PRKACB: variants seen among roughly 807,000 people sequenced by gnomAD.
The protein encoded by PRKACB is cAMP-dependent protein kinase catalytic subunit beta.
PRKACB carries 16 observed loss-of-function variants against 51.4 expected under a neutral mutation model. The ratio of observed to expected loss-of-function variants is 0.31; its 90% CI spans 0.21 to 0.47. The LOEUF is 0.47. Among genes scored for constraint, PRKACB ranks in the 20% least tolerant of loss-of-function variants. The pLI, the probability that PRKACB is intolerant of heterozygous loss-of-function variation, is 1.00. For synonymous variants in PRKACB, 147 were observed against 154.4 expected (o/e 0.95, Z 0.35); for missense variants, 309 against 464.5 (o/e 0.67, Z 3.08).
chr1:84,100,071 A>T (rs551134568), intron 1 of PRKACB, among the ~76,000 whole-genome samples: 1 of 152,332 alleles, frequency 6.6e-6, no homozygotes, highest in Admixed American at 6.5e-5. Context: ...GGTTTTATTG[A>T]CTCACAGTTC....
chr1:84,164,898 G>T, intron 1 of PRKACB: 5 of 1,477,878 alleles, frequency 3.4e-6, no homozygotes, highest in Non-Finnish European at 4.5e-6. Context: ...GCATGCTCCA[G>T]TGTGTGTGTT....
intron 1 of PRKACB, among the ~76,000 whole-genome samples, chr1:84,091,677 G>A (rs755904595): frequency 1.3e-5 from 2 of 151,848 alleles, no homozygotes; most frequent in Non-Finnish European, 2.9e-5. Context: ...GCTAATTTTC[G>A]TATTTTTGGT....
intron 9 of PRKACB, among the ~76,000 whole-genome samples, chr1:84,219,655 A>G (rs1673406715): frequency 6.6e-6 from 1 of 150,658 alleles, no homozygotes; most frequent in Non-Finnish European, 1.5e-5. Flanking sequence ...ATCTAGTTTC[A>G]GTCTTCTGCA....
At position 84,085,767 on chromosome 1, in the gene PRKACB, G is replaced by A. The variant is rs916208823; in HGVS notation, c.46+7396G>A. The A allele has an allele frequency of 1.2e-5, 4 of 320,088 alleles. No homozygotes were observed. In the East Asian group the frequency reaches 1.8e-4, roughly 14 times the overall value. The allele number at this position is 320,088 out of a possible 1,614,324, so 19.8% of individuals were successfully genotyped here. A position where few individuals can be genotyped will look rare whatever the true frequency, so the allele number is the denominator to read the frequency against. On this transcript the variant is annotated intron_variant, in intron 1 of 8. Transcript: ENST00000370688. Reference sequence around the variant, plus strand: ...TGTCTCAGTGACTTTTCCTGAGGAGGTTCCTGGCCTCAGTCGTCTCCAGGA... The same window carrying A: ...TGTCTCAGTGACTTTTCCTGAGGAGATTCCTGGCCTCAGTCGTCTCCAGGA...
At chr1:84,132,664 A>C (rs1050958359) in intron 1 of PRKACB, among the ~76,000 whole-genome samples, 17 of 152,216 alleles carry the variant, frequency 1.1e-4, no homozygotes, top group Non-Finnish European at 1.5e-5. Flanking sequence ...CAGGAGATAC[A>C]TAAAGCAGAG....
At chr1:84,081,616 TAA>T (rs146458472) in intron 1 of PRKACB, among the ~76,000 whole-genome samples, 25,100 of 152,054 alleles carry the variant, frequency 0.17, 2,574 homozygotes, top group South Asian at 0.25. Flanking sequence ...TCTTGTCAGT[TAA>T]GTTTGTTTTA....
chr1:84,224,671 C>T (rs1003318754), intron 9 of PRKACB, among the ~76,000 whole-genome samples: 38 of 152,184 alleles, frequency 2.5e-4, no homozygotes, highest in African/African-American at 7.9e-4. Context: ...TGCACGTGGG[C>T]ACAGGCTGTG....
intron 9 of PRKACB, among the ~76,000 whole-genome samples, chr1:84,231,215 G>C (rs1351130411): frequency 2.0e-5 from 3 of 152,080 alleles, no homozygotes; most frequent in Non-Finnish European, 4.4e-5. Context: ...TTATATGCTG[G>C]ATTACATTTA....
chr1:84,133,982 T>C (rs1418785881), intron 1 of PRKACB, among the ~76,000 whole-genome samples: 1 of 151,990 alleles, frequency 6.6e-6, no homozygotes, highest in East Asian at 1.9e-4. Flanking sequence ...TGAAGGACAG[T>C]AAGTGTGGGG....
intron 1 of PRKACB, among the ~76,000 whole-genome samples, chr1:84,177,741 TA>T (rs1434101611): frequency 6.6e-6 from 1 of 151,766 alleles, no homozygotes; most frequent in East Asian, 1.9e-4. Context: ...GACCCAGTCT[TA>T]AAAAAAGTAA....
At chr1:84,209,896 T>A (rs1164314160) in intron 8 of PRKACB, among the ~76,000 whole-genome samples, 1 of 152,220 alleles carries the variant, frequency 6.6e-6, no homozygotes, top group Non-Finnish European at 1.5e-5. Flanking sequence ...TCAATATTTG[T>A]TGAATTTCAA....
chr1:84,182,073 T>C (rs1663690052), intron 2 of PRKACB, 127 bp from the exon 3 acceptor site: 2 of 710,508 alleles, frequency 2.8e-6, no homozygotes, highest in East Asian at 3.2e-5. Flanking sequence ...AATAGCTTTT[T>C]TGTATTGCAT....
At chr1:84,209,152 G>A (rs965731956) in intron 8 of PRKACB, among the ~76,000 whole-genome samples, 14 of 152,024 alleles carry the variant, frequency 9.2e-5, no homozygotes, top group Non-Finnish European at 1.9e-4. Flanking sequence ...AATCTCCTTG[G>A]CTTGATCCCC....
chr1:84,163,972 T>C (rs754164557), intron 1 of PRKACB, among the ~76,000 whole-genome samples: 4 of 151,970 alleles, frequency 2.6e-5, no homozygotes, highest in Non-Finnish European at 4.4e-5. Flanking sequence ...ATACAATCTG[T>C]CATCTTAGTC....
intron 1 of PRKACB, among the ~76,000 whole-genome samples, chr1:84,134,298 A>T (rs1041605269): frequency 6.6e-6 from 1 of 152,174 alleles, no homozygotes; most frequent in East Asian, 1.9e-4. Flanking sequence ...ACAGGAATGT[A>T]TGTTCTCACT....
intron 1 of PRKACB, among the ~76,000 whole-genome samples, chr1:84,080,837 G>C (rs1416302773): frequency 6.6e-6 from 1 of 151,078 alleles, no homozygotes; most frequent in East Asian, 1.9e-4. Context: ...AACAGAGTAA[G>C]GAATAGAGTC....
chr1:84,089,722 G>C (rs1157060978), intron 1 of PRKACB, among the ~76,000 whole-genome samples: 1 of 152,072 alleles, frequency 6.6e-6, no homozygotes, highest in East Asian at 1.9e-4. Context: ...TCATTCAGAT[G>C]TCTAGTCTTG....
At chr1:84,121,017 T>C (rs930527114) in intron 1 of PRKACB, among the ~76,000 whole-genome samples, 2 of 152,110 alleles carry the variant, frequency 1.3e-5, no homozygotes, top group Non-Finnish European at 2.9e-5. Flanking sequence ...TTGTCTTTAA[T>C]GTTCTTGTAC....
At chr1:84,194,551 C>T (rs1051753468) in intron 5 of PRKACB, among the ~76,000 whole-genome samples, 1 of 152,206 alleles carries the variant, frequency 6.6e-6, no homozygotes, top group Admixed American at 6.5e-5. Context: ...CCATTGTCTT[C>T]CTACATTCAA....
Sources: gnomAD v4.1 joint callset for allele counts (sites outside exome capture counted in the v4.1 genomes callset) on GRCh38, gnomAD v4.1.1 for gene constraint, MANE v1.5 for transcripts, NCBI Gene and HGNC (gene_info 2026-07-23, HGNC 2026-07-21) for gene names.